The following MICAL2 variants were observed in gnomAD, a reference collection of about 807,000 sequenced individuals.
The protein encoded by MICAL2 is microtubule associated monooxygenase, calponin and LIM domain containing 2, also known as [F-actin]-monooxygenase MICAL2.
Under a neutral mutation model 127.3 loss-of-function variants are expected in MICAL2, and 77 were observed. The ratio of observed to expected loss-of-function variants is 0.60; its 90% CI spans 0.50 to 0.73. The LOEUF (loss-of-function observed/expected upper bound fraction) is 0.73, where lower values mean the gene tolerates loss of function less well. Ranked by LOEUF, MICAL2 falls within the 30% of genes least tolerant of loss-of-function variation. MICAL2 has a pLI of 0.00. For synonymous variants in MICAL2, 570 were observed against 551.1 expected (o/e 1.03, Z -0.48); for missense variants, 1,351 against 1,434.4 (o/e 0.94, Z 0.94).
rs1484946760 is a variant in MICAL2 at position 12,110,973 on chromosome 11, CG to C, written c.-149+248del. On this transcript the variant is annotated intron_variant, in intron 1 of 27. Transcript: ENST00000683283. The surrounding 1 kb of genome is among the most constrained non-coding windows in gnomAD (Gnocchi z 4.5). ...ACGCAATAAAAGCCTCCCACCGGCA[CG>C]CCGAACTACCTCTTACTCCGCTCCG... is the stretch of plus-strand genomic sequence containing the variant. 2.0e-5 allele frequency among the ~76,000 whole-genome samples: 3 copies of C among 152,192 alleles called. No individual in the cohort carries two copies. The highest frequency in any genetic ancestry group is 4.4e-5 in the Non-Finnish European group (3 of 68,036).
chr11:12,334,171 C>T (rs1426790757), intron 32 of MICAL2, among the ~76,000 whole-genome samples: 1 of 152,140 alleles, frequency 6.6e-6, no homozygotes, highest in East Asian at 1.9e-4. Context: ...CTGTTATCCA[C>T]AGAGGATTTG....
intron 6 of MICAL2, among the ~76,000 whole-genome samples, chr11:12,210,648 C>T (rs916987403): frequency 2.0e-5 from 3 of 152,188 alleles, no homozygotes; most frequent in Admixed American, 6.5e-5. Context: ...TGGAATTTTA[C>T]ACTTGGTAAA....
intron 24 of MICAL2, among the ~76,000 whole-genome samples, chr11:12,257,509 T>A (rs775818853): frequency 6.6e-6 from 1 of 152,200 alleles, no homozygotes; most frequent in Non-Finnish European, 1.5e-5. Context: ...TGACATTTGC[T>A]CTGTCACCTA....
At chr11:12,336,433 A>G (rs1379048750) in intron 32 of MICAL2, among the ~76,000 whole-genome samples, 3 of 152,310 alleles carry the variant, frequency 2.0e-5, no homozygotes, top group East Asian at 1.9e-4. Context: ...TCCTAATTGA[A>G]TGCCCTTTAT....
At chr11:12,237,472 C>T (rs1458987933) in intron 16 of MICAL2, among the ~76,000 whole-genome samples, 1 of 152,190 alleles carries the variant, frequency 6.6e-6, no homozygotes, top group East Asian at 1.9e-4. Context: ...CTGGGATTTG[C>T]TCCTGCCTAT....
At chr11:12,219,729 G>T (rs994045683) in intron 8 of MICAL2, among the ~76,000 whole-genome samples, 2 of 152,098 alleles carry the variant, frequency 1.3e-5, no homozygotes, top group East Asian at 1.9e-4. Flanking sequence ...TGGCTCCTTT[G>T]TCTCTTAATT....
At chr11:12,125,555 C>CT (rs59039734) in intron 1 of MICAL2, among the ~76,000 whole-genome samples, 30,527 of 151,958 alleles carry the variant, frequency 0.2, 3,410 homozygotes, top group Middle Eastern at 0.26. Context: ...TGCCCGGCAT[C>CT]TTTTTTTTGT....
chr11:12,219,591 G>C (rs1261992919), intron 8 of MICAL2, among the ~76,000 whole-genome samples: 1 of 149,532 alleles, frequency 6.7e-6, no homozygotes, highest in East Asian at 2.0e-4. Context: ...ATCAAGTAAA[G>C]GGGTCACTGA....
intron 3 of MICAL2, among the ~76,000 whole-genome samples, chr11:12,173,281 A>G (rs187099430): frequency 1.3e-5 from 2 of 152,322 alleles, no homozygotes; most frequent in Admixed American, 1.3e-4. Context: ...TCTGCAGTGG[A>G]AAGATTTTAT....
Position 12,223,960 on chromosome 11 carries a change from A to G in MICAL2, c.1540+459A>G, listed in dbSNP as rs575470305. On this transcript the variant is annotated intron_variant, in intron 12 of 27. Transcript: ENST00000683283. ...ATGAGGAACTCCCAGCGCCCAGCTC[A>G]GCTCAGGATGCTCTCCTGCTTAGAG... Among the ~76,000 whole-genome samples the G allele has an allele frequency of 9.2e-5, 14 of 152,194 alleles. No homozygotes were observed. The South Asian group carries it at 2.9e-3, about 32-fold the overall frequency.
intron 30 of MICAL2, among the ~76,000 whole-genome samples, chr11:12,321,553 C>G (rs1318645607): frequency 6.6e-6 from 1 of 152,220 alleles, no homozygotes; most frequent in African/African-American, 2.4e-5. Context: ...TTCTGCCAAG[C>G]TTCTGCATCT....
In MICAL2 at chr11:12,249,186, AAAG is replaced by A; in HGVS notation, c.2791_2793del (p.Lys931del). The A allele has an allele frequency of 6.2e-7, 1 of 1,613,926 alleles. No homozygotes were observed. Among genetic ancestry groups the A allele is most frequent in the Non-Finnish European group, 8.5e-7 (1 of 1,179,842 alleles). On this transcript the variant is annotated inframe_deletion, in exon 22 of 28. Coordinates refer to ENST00000683283, the MANE Select transcript of MICAL2 (RefSeq NM_001282663.2). ...TGTTGATCCCTCTCTTTCTAAAGGAAAAGAAGTCACCTTCAGGGTTCCATTTTC... is the reference window on the plus strand; with the variant it reads ...TGTTGATCCCTCTCTTTCTAAAGGAAAAGTCACCTTCAGGGTTCCATTTTC...
chr11:12,315,503 A>G (rs1429197120), intron 29 of MICAL2, among the ~76,000 whole-genome samples: 1 of 152,146 alleles, frequency 6.6e-6, no homozygotes, highest in Non-Finnish European at 1.5e-5. Context: ...TGGGTTATTT[A>G]AAAGTGTATT....
At chr11:12,149,094 A>G (rs1462979582) in intron 2 of MICAL2, among the ~76,000 whole-genome samples, 1 of 152,186 alleles carries the variant, frequency 6.6e-6, no homozygotes, top group African/African-American at 2.4e-5. Flanking sequence ...TTTCAGCCCT[A>G]AAGACCACTG....
downstream of MICAL2, chr11:12,294,696 A>G: frequency 6.2e-7 from 1 of 1,614,120 alleles, no homozygotes; most frequent in Non-Finnish European, 8.5e-7. Flanking sequence ...GACATCAGGG[A>G]CCTCTTTGGC....
intron 2 of MICAL2, among the ~76,000 whole-genome samples, chr11:12,153,504 C>G (rs944748012): frequency 1.3e-5 from 2 of 152,152 alleles, no homozygotes; most frequent in African/African-American, 4.8e-5. Flanking sequence ...GTGGTGCAAT[C>G]TTGGCTGACT....
chr11:12,178,213 G>A (rs1324649210), intron 3 of MICAL2, among the ~76,000 whole-genome samples: 1 of 152,212 alleles, frequency 6.6e-6, no homozygotes, highest in African/African-American at 2.4e-5. Context: ...ACGTGGCAGT[G>A]ACTGAAGGGA....
intron 30 of MICAL2, chr11:12,323,900 A>G: frequency 1.4e-6 from 2 of 1,467,220 alleles, no homozygotes; most frequent in South Asian, 2.7e-5. Flanking sequence ...TGGAGAGGGT[A>G]GAAGCCTATA....
chr11:12,313,161 A>C (rs11022297), intron 29 of MICAL2, among the ~76,000 whole-genome samples: 117,238 of 128,296 alleles, frequency 0.91, 53,551 homozygotes, highest in East Asian at 0.95. Flanking sequence ...GAGCAAGACT[A>C]CATCTCAAAA....
Sources: allele counts gnomAD v4.1 joint callset (sites outside exome capture counted in the v4.1 genomes callset), GRCh38; gene constraint gnomAD v4.1.1; non-coding constraint Gnocchi (gnomAD v3.1); transcripts MANE v1.5; gene names NCBI Gene and HGNC (gene_info 2026-07-23, HGNC 2026-07-21).